Variants in CTNNA1 observed in about 807,000 individuals in gnomAD.
CTNNA1 encodes the protein catenin alpha-1.
In CTNNA1, 37 loss-of-function variants were observed where a neutral mutation model predicts 98.4. The observed-to-expected ratio is 0.38, with a 90% CI of 0.29 to 0.49. CTNNA1 has a LOEUF of 0.49. Among genes scored for constraint, CTNNA1 ranks in the 20% least tolerant of loss-of-function variants. The pLI is 0.95. For missense variants in CTNNA1, 761 were observed against 1,147.2 expected (o/e 0.66, Z 4.86); for synonymous variants, 404 against 413.2 (o/e 0.98, Z 0.27).
intron 7 of CTNNA1, among the ~76,000 whole-genome samples, chr5:138,850,810 A>G (rs967741195): frequency 2.6e-5 from 4 of 152,214 alleles, no homozygotes; most frequent in African/African-American, 9.6e-5. Flanking sequence ...CCAAAGATGG[A>G]TGCTTCTACA....
chr5:138,855,456 T>G (rs1763650885), intron 7 of CTNNA1, among the ~76,000 whole-genome samples: 1 of 152,236 alleles, frequency 6.6e-6, no homozygotes, highest in Admixed American at 6.5e-5. Flanking sequence ...TGCCCTTTAC[T>G]TTCAGTGAGA....
intron 7 of CTNNA1, among the ~76,000 whole-genome samples, chr5:138,830,912 G>C (rs1183386872): frequency 6.6e-6 from 1 of 152,144 alleles, no homozygotes; most frequent in Non-Finnish European, 1.5e-5. Context: ...TTCTCTTCTA[G>C]AAGATTTATT....
intron 16 of CTNNA1, chr5:138,931,189 C>T (rs1056971604): frequency 4.4e-6 from 2 of 457,562 alleles, no homozygotes; most frequent in East Asian, 4.0e-5. Context: ...CTCTCTCCCC[C>T]TCTGGGCAGG....
chr5:138,831,737 A>G (rs1232320101), intron 7 of CTNNA1, among the ~76,000 whole-genome samples: 1 of 152,034 alleles, frequency 6.6e-6, no homozygotes, highest in Non-Finnish European at 1.5e-5. Context: ...TCTTTTATCC[A>G]TTTTATTCTG....
At chr5:138,862,895 G>T (rs546632154) in intron 7 of CTNNA1, among the ~76,000 whole-genome samples, 2 of 152,206 alleles carry the variant, frequency 1.3e-5, no homozygotes, top group Non-Finnish European at 2.9e-5. Context: ...CTATTTGATG[G>T]ATCTGTAGCA....
intron 7 of CTNNA1, among the ~76,000 whole-genome samples, chr5:138,835,908 C>T (rs1164316061): frequency 1.3e-5 from 2 of 152,130 alleles, no homozygotes; most frequent in East Asian, 1.9e-4. Context: ...TGCACTGGTA[C>T]GATCACAGCT....
Position 138,753,490 on chromosome 5 carries a change from C to T in CTNNA1, c.-23C>T. 1 of 379,296 alleles carries T rather than the reference C, an allele frequency of 2.6e-6. No homozygotes were observed. Among genetic ancestry groups the T allele is most frequent in the Non-Finnish European group, 4.7e-6 (1 of 213,412 alleles). The allele number at this position is 379,296 out of a possible 1,614,324, so 23.5% of individuals were successfully genotyped here. A position where few individuals can be genotyped will look rare whatever the true frequency, so the allele number is the denominator to read the frequency against. ...TCTGCTTCGGGCCTCTGGAATTTAG[C>T]GCTCGCCCAGCTAGCCGCAGGTAAC... On this transcript the variant is annotated 5_prime_UTR_variant, in exon 1 of 18. Transcript: ENST00000302763.
chr5:138,774,729 C>G (rs1753903138), intron 1 of CTNNA1, among the ~76,000 whole-genome samples: 2 of 152,142 alleles, frequency 1.3e-5, no homozygotes, highest in Middle Eastern at 6.8e-3. Context: ...TCACGCCATT[C>G]TCCTGCCTCA....
chr5:138,883,413 A>G (rs1423873114), intron 7 of CTNNA1, among the ~76,000 whole-genome samples: 3 of 152,204 alleles, frequency 2.0e-5, no homozygotes. Context: ...ATAAACCTCT[A>G]TTTCCTGCAA....
chr5:138,808,518 C>A (rs1223850658), intron 3 of CTNNA1, among the ~76,000 whole-genome samples: 1 of 151,876 alleles, frequency 6.6e-6, no homozygotes, highest in Non-Finnish European at 1.5e-5. Context: ...TCTGGCCTGA[C>A]AAATATGTGG....
chr5:138,842,583 C>CAT (rs1762365330), intron 7 of CTNNA1, among the ~76,000 whole-genome samples: 1 of 152,138 alleles, frequency 6.6e-6, no homozygotes, highest in Non-Finnish European at 1.5e-5. Context: ...GTTAAGGAAA[C>CAT]AGACTCAAGG....
rs73263483 is a variant in CTNNA1, at chr5:138,872,820, A to T, written c.1063-13392A>T. On this transcript the variant is annotated intron_variant, in intron 7 of 17. Transcript: ENST00000302763. ...GGAGTGCAAATTAATGTGAGCATTGATTCATTTAACACTTAAAATATGGTT... is the reference window on the plus strand; with the variant it reads ...GGAGTGCAAATTAATGTGAGCATTGTTTCATTTAACACTTAAAATATGGTT... 2,327 of 482,278 alleles carry T rather than the reference A, an allele frequency of 4.8e-3. 46 individuals carry two copies. The highest frequency in any genetic ancestry group is 0.041 in the African/African-American group (2,098 of 50,790). 29.9% of individuals were successfully genotyped at this position (482,278 alleles called of 1,614,324 possible). A position where few individuals can be genotyped will look rare whatever the true frequency, so the allele number is the denominator to read the frequency against.
At chr5:138,805,974 G>C (rs1482004073) in intron 3 of CTNNA1, among the ~76,000 whole-genome samples, 2 of 152,052 alleles carry the variant, frequency 1.3e-5, no homozygotes, top group Admixed American at 6.6e-5. Flanking sequence ...TTGTGAATCA[G>C]AGGTCATGAA....
At chr5:138,832,270 A>G (rs1761345616) in intron 7 of CTNNA1, among the ~76,000 whole-genome samples, 1 of 152,226 alleles carries the variant, frequency 6.6e-6, no homozygotes, top group Non-Finnish European at 1.5e-5. Context: ...CTAAGGAAAT[A>G]TTGACATAAA....
rs148110795 is a variant in CTNNA1, at chr5:138,792,256, A to G, written c.301+8884A>G. ...TGTGAATCTTGGCAAGGCAATTTTC[A>G]GAAAAATAATGTATTTCATCCCTGA... is the stretch of plus-strand genomic sequence containing the variant. On this transcript the variant is annotated intron_variant, in intron 3 of 17. Transcript: ENST00000302763. Among the ~76,000 whole-genome samples, 471 of 152,346 alleles carry G rather than the reference A, an allele frequency of 3.1e-3. 3 individuals carry two copies. The highest frequency in any genetic ancestry group is 0.011 in the African/African-American group (453 of 41,588).
rs1245758190 is a variant in CTNNA1, at chr5:138,934,414, A to G, written c.*325A>G. 3.7e-6 allele frequency: 1 copy of G among 267,996 alleles called. No individual in the cohort carries two copies. Among genetic ancestry groups the G allele is most frequent in the Non-Finnish European group, 7.1e-6 (1 of 141,832 alleles). 16.6% of individuals were successfully genotyped at this position (267,996 alleles called of 1,614,324 possible). On this transcript the variant is annotated 3_prime_UTR_variant, in exon 18 of 18. Transcript: ENST00000302763. ...CCATTCTCTTAGTGATGGCGGCGTTAGGGTTTGAGAGAAGGGAATTTGGCT... is the reference window on the plus strand; with the variant it reads ...CCATTCTCTTAGTGATGGCGGCGTTGGGGTTTGAGAGAAGGGAATTTGGCT...
intron 3 of CTNNA1, among the ~76,000 whole-genome samples, chr5:138,803,614 CTTGG>C (rs1196490508): frequency 3.9e-5 from 6 of 152,194 alleles, no homozygotes; most frequent in Admixed American, 1.3e-4. Flanking sequence ...AGATCTTTGA[CTTGG>C]TGTTCCCTCT....
Position 138,934,059 on chromosome 5 carries a change from C to T in CTNNA1, c.2691C>T (p.Leu897=), listed in dbSNP as rs770665974. The T allele has an allele frequency of 6.2e-7, 1 of 1,613,266 alleles. No individual in the cohort carries two copies. The highest frequency in any genetic ancestry group is 8.5e-7 in the Non-Finnish European group (1 of 1,179,984). ...AGCACGTGAACCCGGTGCAGGCCCT[C>T]AGCGAGTTCAAAGCTATGGACAGCA... is the stretch of plus-strand genomic sequence containing the variant. ...QKKHVNPVQA[L]SEFKAMDSI Residue 897 remains leucine (L), a synonymous_variant, in exon 18 of 18, where the codon CTC becomes CTT. Transcript: ENST00000302763.
At chr5:138,834,948 AT>A (rs1761628960) in intron 7 of CTNNA1, among the ~76,000 whole-genome samples, 1 of 152,024 alleles carries the variant, frequency 6.6e-6, no homozygotes, top group African/African-American at 2.4e-5. Context: ...GTTAGGAGCA[AT>A]TTTTTGTGGG....
Sources: gnomAD v4.1 joint callset for allele counts (sites outside exome capture counted in the v4.1 genomes callset) on GRCh38, gnomAD v4.1.1 for gene constraint, MANE v1.5 for transcripts, NCBI Gene and HGNC (gene_info 2026-07-23, HGNC 2026-07-21) for gene names.